ARFGEF1: variants seen among roughly 807,000 people sequenced by gnomAD.
ARFGEF1 encodes ARF guanine nucleotide exchange factor 1, also known as brefeldin A-inhibited guanine nucleotide-exchange protein 1.
In ARFGEF1, 42 loss-of-function variants were observed where a neutral mutation model predicts 231.0. The observed-to-expected ratio is 0.18, with a 90% CI of 0.14 to 0.24. The LOEUF (loss-of-function observed/expected upper bound fraction) is 0.24, where lower values mean the gene tolerates loss of function less well. Ranked by LOEUF, ARFGEF1 falls within the 10% of genes least tolerant of loss-of-function variation. The pLI is 1.00. For synonymous variants in ARFGEF1, 710 were observed against 732.3 expected, an observed-to-expected ratio of 0.97 and a Z score of 0.49; for missense variants, 1,345 against 2,192.0, an observed-to-expected ratio of 0.61 and a Z score of 7.72.
chr8:67,301,296 G>A lies in ARFGEF1; in HGVS notation c.240C>T (p.Tyr80=). Residue 80 remains tyrosine, a synonymous_variant, in exon 3 of 39, where the codon TAC becomes TAT. Coordinates refer to ENST00000262215, the MANE Select transcript of ARFGEF1 (RefSeq NM_006421.5). ...SKTNFIEADK[Y]FLPFELACQS... is the part of the protein sequence containing the mutation. ...GGCATGCCAACTCAAAAGGCAAGAA[G>A]TACTTGTCTGCTTCAATAAAATTTG... 6.2e-7 allele frequency: 1 copy of A among 1,614,086 alleles called. No individual in the cohort carries two copies. The highest frequency in any genetic ancestry group is 8.5e-7 in the Non-Finnish European group (1 of 1,180,006).
chr8:67,273,419 CAAAAA>C (rs58580002), intron 9 of ARFGEF1, among the ~76,000 whole-genome samples: 11 of 56,612 alleles, frequency 1.9e-4, no homozygotes, highest in South Asian at 6.8e-4. Flanking sequence ...TTTTTTTTCC[CAAAAA>C]AAAAAAAAAA....
chr8:67,225,019 G>A lies in ARFGEF1; in HGVS notation c.4092C>T (p.Tyr1364=), dbSNP rs776776566. The A allele has an allele frequency of 3.8e-6, 6 of 1,596,770 alleles. No homozygotes were observed. The Admixed American group carries it at 1.1e-4, about 28-fold the overall frequency. The change falls in exon 29 of 39, where the codon TAC becomes TAT. Residue 1364 remains tyrosine (Y), a synonymous_variant. Transcript: ENST00000262215. ...GTGCTACGTTCATATCATCGCTTGT[G>A]TATTCCTTGAAAGCCTTCAAGAAAA... ...VSDRPQAFKE[Y]TSDDMNVAPE... is the part of the protein sequence containing the mutation.
chr8:67,286,789 ATTAATT>A (rs1166800963), intron 7 of ARFGEF1, among the ~76,000 whole-genome samples: 1 of 152,086 alleles, frequency 6.6e-6, no homozygotes, highest in Non-Finnish European at 1.5e-5. Context: ...TGGCTTCACT[ATTAATT>A]TTAACAGAAT....
At chr8:67,245,347 A>C (rs1448980935) in intron 19 of ARFGEF1, among the ~76,000 whole-genome samples, 4 of 150,652 alleles carry the variant, frequency 2.7e-5, no homozygotes, top group African/African-American at 4.9e-5. Flanking sequence ...GTAACTGTGG[A>C]CATGTAAAAT....
At chr8:67,247,266 AC>A (rs1256884482) in intron 19 of ARFGEF1, among the ~76,000 whole-genome samples, 2 of 150,266 alleles carry the variant, frequency 1.3e-5, no homozygotes, top group Non-Finnish European at 3.0e-5. Flanking sequence ...CCCTGATACC[AC>A]AACCAGACAA....
rs1164327469 is a variant in ARFGEF1 at position 67,211,554 on chromosome 8, T to C, written c.4748A>G (p.Asn1583Ser). The change falls in exon 34 of 39, where the codon AAC (asparagine) becomes AGC (serine). Residue 1583 changes from asparagine to serine, a missense_variant. Physicochemically the swap from Asn to Ser is conservative, Grantham distance 46 (BLOSUM62 1). Transcript: ENST00000262215. ...AGAAACCAGTGGTGCTTGTGGTCTG[T>C]TATCCACAGACCTTGGTTGAATAGA... ...HDSIQPRSVDNRPQAPLVSAS... is the reference protein window; with the variant it reads ...HDSIQPRSVDSRPQAPLVSAS... 6.3e-7 allele frequency: 1 copy of C among 1,589,118 alleles called. No individual in the cohort carries two copies. Among genetic ancestry groups the C allele is most frequent in the Non-Finnish European group, 8.6e-7 (1 of 1,167,480 alleles).
At chr8:67,340,367 T>C (rs544483478) in intron 1 of ARFGEF1, among the ~76,000 whole-genome samples, 30 of 151,404 alleles carry the variant, frequency 2.0e-4, no homozygotes, top group African/African-American at 7.2e-4. Flanking sequence ...TCACAATCTA[T>C]AGAACCGAGA....
rs1838146904 is a variant in ARFGEF1 at position 67,197,922 on chromosome 8, A to G, written c.*1012T>C. The G allele has an allele frequency of 1.0e-6, 1 of 985,708 alleles. No individual in the cohort carries two copies. The highest frequency in any genetic ancestry group is 4.7e-5 in the South Asian group (1 of 21,288). The allele number at this position is 985,708 out of a possible 1,614,324, so 61.1% of individuals were successfully genotyped here. On this transcript the variant is annotated 3_prime_UTR_variant, in exon 39 of 39. Coordinates refer to ENST00000262215, the MANE Select transcript of ARFGEF1 (RefSeq NM_006421.5). Reference sequence around the variant, plus strand: ...TTTCCAGTAAATCTAACCTCCGCAAACCATGCCAGATTTGTTATTTTAATA... The same window carrying G: ...TTTCCAGTAAATCTAACCTCCGCAAGCCATGCCAGATTTGTTATTTTAATA...
chr8:67,193,505 A>C, downstream of ARFGEF1: 1 of 1,613,346 alleles, frequency 6.2e-7, no homozygotes, highest in Non-Finnish European at 8.5e-7. Context: ...GTCTCTCTCT[A>C]AAATCTATAT....
chr8:67,278,768 C>G (rs1281353950), intron 7 of ARFGEF1, among the ~76,000 whole-genome samples: 1 of 151,736 alleles, frequency 6.6e-6, no homozygotes, highest in Non-Finnish European at 1.5e-5. Flanking sequence ...ATCACTTGAA[C>G]CTGAGAGGTC....
chr8:67,277,329 G>A lies in ARFGEF1; in HGVS notation c.1156C>T (p.Pro386Ser), dbSNP rs1261157740. Reference sequence around the variant, plus strand: ...GACAATCTATCATCAGGTAAGGATGGTGTATATGCAACAGAAATTGGTGTT... The same window carrying A: ...GACAATCTATCATCAGGTAAGGATGATGTATATGCAACAGAAATTGGTGTT... ...PGTPISVAYT[P>S]SLPDDRLSVS... Residue 386 changes from proline (P) to serine (S), a missense_variant, in exon 8 of 39, where the codon CCA (proline) becomes TCA (serine). Pro to Ser is a moderately conservative substitution (Grantham distance 74). Around this residue, in one of 14 missense-constraint regions of ARFGEF1, gnomAD observed 398 missense variants for 463.2 expected, o/e 0.86. Transcript: ENST00000262215. 5 of 1,613,570 alleles carry A rather than the reference G, an allele frequency of 3.1e-6. No individual in the cohort carries two copies. The African/African-American group carries it at 5.3e-5, about 17-fold the overall frequency.
intron 7 of ARFGEF1, among the ~76,000 whole-genome samples, chr8:67,286,218 T>C (rs1159611574): frequency 6.6e-6 from 1 of 152,218 alleles, no homozygotes; most frequent in Non-Finnish European, 1.5e-5. Context: ...ACATACATTA[T>C]GTGCATGGTA....
intron 10 of ARFGEF1, among the ~76,000 whole-genome samples, chr8:67,270,468 G>A (rs760445227): frequency 1.1e-4 from 17 of 152,036 alleles, no homozygotes; most frequent in Non-Finnish European, 2.2e-4. Context: ...TGAATTATGA[G>A]TCTTGAGTTA....
chr8:67,221,845 GCT>G (rs1448245884), intron 29 of ARFGEF1, among the ~76,000 whole-genome samples: 1 of 145,808 alleles, frequency 6.9e-6, no homozygotes, highest in Non-Finnish European at 1.5e-5. Context: ...ATGGAGTCTT[GCT>G]CTGTCGCCCA....
At chr8:67,299,391 G>C (rs1313565207) in intron 3 of ARFGEF1, 36 bp from the exon 4 acceptor site, 1 of 1,572,460 alleles carries the variant, frequency 6.4e-7, no homozygotes, top group South Asian at 1.2e-5. Context: ...TCCTAAGTAA[G>C]GTAACAAATA....
At chr8:67,232,212 AG>A (rs1319944605) in intron 23 of ARFGEF1, among the ~76,000 whole-genome samples, 2 of 152,078 alleles carry the variant, frequency 1.3e-5, no homozygotes, top group Non-Finnish European at 2.9e-5. Context: ...AGGAAGAAAA[AG>A]AAAAAACATT....
chr8:67,335,089 G>A (rs1427171791), intron 1 of ARFGEF1, among the ~76,000 whole-genome samples: 8 of 150,832 alleles, frequency 5.3e-5, no homozygotes, highest in African/African-American at 9.7e-5. Flanking sequence ...TCAGCTAAGA[G>A]TATCACGGTA....
chr8:67,272,691 A>C (rs983832515), intron 9 of ARFGEF1, among the ~76,000 whole-genome samples: 7 of 152,168 alleles, frequency 4.6e-5, no homozygotes, highest in African/African-American at 1.7e-4. Context: ...AAAAATCCTA[A>C]ACAATAATAA....
At chr8:67,257,878 A>G in intron 16 of ARFGEF1, 62 bp from the exon 17 acceptor site, 1 of 1,402,534 alleles carries the variant, frequency 7.1e-7, no homozygotes, top group Middle Eastern at 1.9e-4. Context: ...CATTTAAATA[A>G]GTCACCTCAA....
Sources: gnomAD v4.1 joint callset for allele counts (sites outside exome capture counted in the v4.1 genomes callset) on GRCh38, gnomAD v4.1.1 for gene constraint, gnomAD v4.1.1 regional missense constraint, MANE v1.5 for transcripts, NCBI Gene and HGNC (gene_info 2026-07-23, HGNC 2026-07-21) for gene names.